CBLN2: variants seen among roughly 807,000 people sequenced by gnomAD.
CBLN2 encodes the protein cerebellin-2.
A neutral mutation model predicts 15.0 loss-of-function variants in CBLN2; 7 were observed. That is an observed-to-expected ratio of 0.47 (90% CI 0.27 to 0.88). The LOEUF (loss-of-function observed/expected upper bound fraction) is 0.88. CBLN2 is among the 40% of genes least tolerant of loss of function. The probability of loss-of-function intolerance (pLI) is 0.14; values close to 1 mark genes in which losing one functional copy is unlikely to be tolerated. For missense variants in CBLN2, 242 were observed against 304.5 expected (o/e 0.79, Z 1.53); for synonymous variants, 149 against 135.2 (o/e 1.10, Z -0.71).
At position 72,593,849 on chromosome 18, in the gene CBLN2, C is replaced by T. The variant is rs188490871; in HGVS notation, c.15+44476G>A. Reference sequence around the variant, plus strand: ...TCATGCATGCATAAGTTTACTGCAGCACTGTTCACAACAGCAAAGACTTGG... The same window carrying T: ...TCATGCATGCATAAGTTTACTGCAGTACTGTTCACAACAGCAAAGACTTGG... On this transcript the variant is annotated intron_variant, in intron 1 of 2. Coordinates refer to the CBLN2 transcript ENST00000581073. Among the ~76,000 whole-genome samples the T allele has an allele frequency of 2.0e-4, 30 of 152,256 alleles. No homozygotes were observed. The East Asian group carries it at 5.6e-3, about 28-fold the overall frequency.
intron 1 of CBLN2, among the ~76,000 whole-genome samples, chr18:72,609,374 G>T (rs2069605747): frequency 6.6e-6 from 1 of 152,032 alleles, no homozygotes; most frequent in South Asian, 2.1e-4. Flanking sequence ...ATCCTTAAAA[G>T]AAGAGGGCAT....
intron 1 of CBLN2, among the ~76,000 whole-genome samples, chr18:72,561,243 C>CA (rs33954304): frequency 0.78 from 97,272 of 124,878 alleles, 40,834 homozygotes; most frequent in Non-Finnish European, 0.95. Context: ...AACAACAACC[C>CA]AAAAAAAAAA....
At chr18:72,553,458 T>TGATAGATA (rs5826203) in intron 1 of CBLN2, among the ~76,000 whole-genome samples, 1,844 of 148,876 alleles carry the variant, frequency 0.012, 7 homozygotes, top group South Asian at 0.018. Context: ...TAACAATTTG[T>TGATAGATA]GATAGATAGA....
intron 1 of CBLN2, among the ~76,000 whole-genome samples, chr18:72,584,649 A>G (rs1258979002): frequency 6.6e-6 from 1 of 152,190 alleles, no homozygotes; most frequent in Admixed American, 6.5e-5. Context: ...ATTCTTTTAT[A>G]GGGAGAGAAC....
At chr18:72,603,010 C>T (rs1214254606) in intron 1 of CBLN2, among the ~76,000 whole-genome samples, 5 of 152,206 alleles carry the variant, frequency 3.3e-5, no homozygotes, top group African/African-American at 7.2e-5. Context: ...GTTGCCTAAG[C>T]GATTCCATCA....
chr18:72,593,326 T>C (rs1397137747), intron 1 of CBLN2, among the ~76,000 whole-genome samples: 2 of 152,216 alleles, frequency 1.3e-5, no homozygotes, highest in Non-Finnish European at 2.9e-5. Context: ...TGTCGGCATA[T>C]AGAAATGCTA....
exon 1 of CBLN2, chr18:72,638,517 T>A: frequency 2.5e-6 from 1 of 394,642 alleles, no homozygotes; most frequent in East Asian, 3.6e-5. Context: ...TTTATGCTTA[T>A]GACTAAATTT....
At chr18:72,615,133 TA>T (rs1449448605) in intron 1 of CBLN2, among the ~76,000 whole-genome samples, 3 of 88,620 alleles carry the variant, frequency 3.4e-5, no homozygotes, top group African/African-American at 9.4e-5. Context: ...ATAAATATAT[TA>T]TATAAATAAA....
intron 1 of CBLN2, among the ~76,000 whole-genome samples, chr18:72,620,757 C>G (rs1014057370): frequency 3.3e-5 from 5 of 152,170 alleles, no homozygotes; most frequent in Non-Finnish European, 7.4e-5. Context: ...ATTGTATCAA[C>G]TTGAACTTGT....
At position 72,623,718 on chromosome 18, in the gene CBLN2, A is replaced by T. The variant is rs532843871; in HGVS notation, c.15+14607T>A. On this transcript the variant is annotated intron_variant, in intron 1 of 2. Coordinates refer to the CBLN2 transcript ENST00000581073. ...ATGCTCAGGACATGCATGCCCTCAT[A>T]TGAGAGGGGACTTGGATTGTGAACA... 2.6e-5 allele frequency among the ~76,000 whole-genome samples: 4 copies of T among 152,242 alleles called. No individual in the cohort carries two copies. In the East Asian group the frequency reaches 5.8e-4, roughly 22 times the overall value.
chr18:72,540,667 C>T (rs78004262), intron 3 of CBLN2, among the ~76,000 whole-genome samples: 2,647 of 152,042 alleles, frequency 0.017, 31 homozygotes, highest in Non-Finnish European at 0.025. Flanking sequence ...GAGACACATG[C>T]CTTCCCCTGC....
upstream of CBLN2, among the ~76,000 whole-genome samples, chr18:72,545,936 T>C (rs2069154673): frequency 1.3e-5 from 2 of 152,228 alleles, no homozygotes; most frequent in African/African-American, 4.8e-5. Flanking sequence ...GCAACATAAA[T>C]GTTTAGATTA....
rs1446009814 is a variant in CBLN2 at position 72,543,655 on chromosome 18, C to A, written c.-211-125G>T. 1 of 376,338 alleles carries A rather than the reference C, an allele frequency of 2.7e-6. No individual in the cohort carries two copies. Among genetic ancestry groups the A allele is most frequent in the Non-Finnish European group, 4.7e-6 (1 of 211,952 alleles). 23.3% of individuals were successfully genotyped at this position (376,338 alleles called of 1,614,324 possible). On this transcript the variant is annotated intron_variant, in intron 1 of 4. Coordinates refer to ENST00000269503, the MANE Select transcript of CBLN2 (RefSeq NM_182511.4). This position sits in a 1 kb window ranked among gnomAD's most constrained non-coding sequence, Gnocchi z 6.8. ...GCCGCTTTCCCGCGCCAGCCTGCGC[C>A]GCTTCAGGGGTGCACCACGCCCCGC...
At chr18:72,637,053 A>AAC (rs2069817920) in intron 1 of CBLN2, among the ~76,000 whole-genome samples, 1 of 151,986 alleles carries the variant, frequency 6.6e-6, no homozygotes, top group Non-Finnish European at 1.5e-5. Flanking sequence ...AAAAAAAAAA[A>AAC]AACCCAGTTG....
intron 1 of CBLN2, among the ~76,000 whole-genome samples, chr18:72,636,009 T>G (rs1267647125): frequency 6.6e-6 from 1 of 152,184 alleles, no homozygotes; most frequent in Admixed American, 6.5e-5. Flanking sequence ...TGTTATTTAT[T>G]TTTAAAGTTT....
upstream of CBLN2, among the ~76,000 whole-genome samples, chr18:72,544,919 A>G (rs2069147479): frequency 6.6e-6 from 1 of 151,760 alleles, no homozygotes; most frequent in African/African-American, 2.4e-5. Flanking sequence ...TTTTTAAAAC[A>G]TGGTTAAAAA....
chr18:72,590,185 A>C (rs1248031422), intron 1 of CBLN2, among the ~76,000 whole-genome samples: 1 of 152,172 alleles, frequency 6.6e-6, no homozygotes, highest in Non-Finnish European at 1.5e-5. Flanking sequence ...GAATGGTGTG[A>C]ACCCGGGAGG....
intron 1 of CBLN2, among the ~76,000 whole-genome samples, chr18:72,632,714 C>T (rs542389592): frequency 6.6e-6 from 1 of 152,276 alleles, no homozygotes; most frequent in African/African-American, 2.4e-5. Flanking sequence ...AAATGTTACC[C>T]TCTAGGCACT....
At chr18:72,609,496 C>A (rs1433087860) in intron 1 of CBLN2, among the ~76,000 whole-genome samples, 1 of 152,106 alleles carries the variant, frequency 6.6e-6, no homozygotes, top group African/African-American at 2.4e-5. Context: ...ATCTCAGACT[C>A]TAGCCTCCAG....
Sources: gnomAD v4.1 joint callset for allele counts (sites outside exome capture counted in the v4.1 genomes callset) on GRCh38, gnomAD v4.1.1 for gene constraint, Gnocchi (gnomAD v3.1) non-coding constraint, MANE v1.5 for transcripts, NCBI Gene and HGNC (gene_info 2026-07-23, HGNC 2026-07-21) for gene names.